Variants in NEK10 observed in about 807,000 individuals in gnomAD.
The protein encoded by NEK10 is serine/threonine-protein kinase Nek10.
In NEK10, 122 loss-of-function variants were observed where a neutral mutation model predicts 159.8. That is an observed-to-expected ratio of 0.76 (90% CI 0.66 to 0.89). NEK10 has a LOEUF of 0.89. Among genes scored for constraint, NEK10 ranks in the 40% least tolerant of loss-of-function variants. The pLI is 0.00. For missense variants in NEK10, 1,342 were observed against 1,323.1 expected (o/e 1.01, Z -0.22); for synonymous variants, 466 against 457.1 (o/e 1.02, Z -0.25).
At chr3:27,254,193 A>T (rs549036666) in intron 23 of NEK10, among the ~76,000 whole-genome samples, 8 of 152,120 alleles carry the variant, frequency 5.3e-5, no homozygotes, top group Admixed American at 1.3e-4. Flanking sequence ...GGTTTTTTTC[A>T]ATTTTTAAAA....
At chr3:27,302,404 T>C (rs2043897063) in intron 12 of NEK10, among the ~76,000 whole-genome samples, 1 of 152,178 alleles carries the variant, frequency 6.6e-6, no homozygotes, top group Non-Finnish European at 1.5e-5. Context: ...CATTTTTTTC[T>C]GGTGATCTAG....
At chr3:27,210,229 G>A (rs1171203153) in intron 23 of NEK10, among the ~76,000 whole-genome samples, 4 of 152,156 alleles carry the variant, frequency 2.6e-5, no homozygotes, top group African/African-American at 4.8e-5. Context: ...GCTGCATCTG[G>A]TGAGGGCCCT....
chr3:27,228,961 G>T (rs545446759), intron 23 of NEK10, among the ~76,000 whole-genome samples: 2 of 152,036 alleles, frequency 1.3e-5, no homozygotes, highest in African/African-American at 4.8e-5. Context: ...GGGACCTCTA[G>T]GTATTAGCAC....
chr3:27,321,627 G>A (rs1173579864), intron 6 of NEK10, among the ~76,000 whole-genome samples: 3 of 152,172 alleles, frequency 2.0e-5, no homozygotes, highest in South Asian at 4.1e-4. Flanking sequence ...GATTATAGGC[G>A]TGAGCCACCA....
chr3:27,258,000 G>A (rs955049470), intron 22 of NEK10, among the ~76,000 whole-genome samples: 1 of 151,714 alleles, frequency 6.6e-6, no homozygotes, highest in Admixed American at 6.6e-5. Context: ...GTTTCACAGT[G>A]TTAGCCAGGA....
intron 32 of NEK10, among the ~76,000 whole-genome samples, chr3:27,128,681 T>C (rs1208909600): frequency 1.3e-5 from 2 of 152,100 alleles, no homozygotes; most frequent in Admixed American, 1.3e-4. Flanking sequence ...GGTTTAAACC[T>C]TATTTAATGC....
chr3:27,201,718 C>T (rs1950060507), intron 24 of NEK10, 138 bp from the exon 25 acceptor site: 1 of 624,808 alleles, frequency 1.6e-6, no homozygotes. Context: ...AAATCCCGAC[C>T]AAATAAAACA....
Position 27,312,092 on chromosome 3 carries a change from C to T in NEK10, c.568+7G>A. 6.2e-7 allele frequency: 1 copy of T among 1,601,162 alleles called. No homozygotes were observed. Among genetic ancestry groups the T allele is most frequent in the African/African-American group, 1.3e-5 (1 of 74,804 alleles). ...AAAAATGGCTGTGTCCCTGCAATAA[C>T]ACTTACATGTCATGTTGACCAGCTT... On this transcript the variant is annotated splice_region_variant and intron_variant, in intron 8 of 35. Coordinates refer to ENST00000691995, the MANE Select transcript of NEK10 (RefSeq NM_001394966.1).
chr3:27,294,848 G>C (rs567229147), intron 15 of NEK10, among the ~76,000 whole-genome samples: 1 of 151,192 alleles, frequency 6.6e-6, no homozygotes, highest in Non-Finnish European at 1.5e-5. Context: ...ACTGCCCCCC[G>C]CCCCCACTCT....
intron 20 of NEK10, among the ~76,000 whole-genome samples, chr3:27,286,079 C>CTTTTT (rs35663067): frequency 0.012 from 684 of 57,760 alleles, 46 homozygotes; most frequent in Non-Finnish European, 0.013. Context: ...ATTTCCAATT[C>CTTTTT]TTTTTTTTTT....
intron 5 of NEK10, among the ~76,000 whole-genome samples, chr3:27,337,804 C>A (rs1370590256): frequency 6.6e-6 from 1 of 152,042 alleles, no homozygotes; most frequent in Non-Finnish European, 1.5e-5. Flanking sequence ...AAAATCAACA[C>A]AAGATGGATT....
intron 30 of NEK10, among the ~76,000 whole-genome samples, chr3:27,155,119 T>A (rs1410234753): frequency 6.6e-6 from 1 of 152,216 alleles, no homozygotes; most frequent in African/African-American, 2.4e-5. Flanking sequence ...ACAAGATTAA[T>A]GTACACAAAT....
chr3:27,310,185 T>G (rs929136539), intron 9 of NEK10: 1 of 152,236 alleles, frequency 6.6e-6, no homozygotes, highest in East Asian at 1.9e-4. Flanking sequence ...CTTTCTTCTC[T>G]GTCTTCTAAT....
At position 27,300,973 on chromosome 3, in the gene NEK10, C is replaced by T. The variant is rs2043773238; in HGVS notation, c.1168+723G>A. On this transcript the variant is annotated intron_variant, in intron 13 of 35. Coordinates refer to ENST00000691995, the MANE Select transcript of NEK10 (RefSeq NM_001394966.1). ...CTGCCCTCTCCCACTTCCCCACTCC[C>T]TCATTCCCTCTCCTGCAGTCTGCTC... Among the ~76,000 whole-genome samples, 3 of 152,286 alleles carry T rather than the reference C, an allele frequency of 2.0e-5. No homozygotes were observed. In the South Asian group the frequency reaches 6.2e-4, roughly 32 times the overall value.
chr3:27,152,287 C>T (rs1047756863), intron 30 of NEK10, among the ~76,000 whole-genome samples: 1 of 152,174 alleles, frequency 6.6e-6, no homozygotes, highest in African/African-American at 2.4e-5. Context: ...AGATTAATAG[C>T]AGATTTCTCA....
intron 22 of NEK10, among the ~76,000 whole-genome samples, chr3:27,273,926 G>A (rs192233625): frequency 6.8e-6 from 1 of 146,920 alleles, no homozygotes; most frequent in East Asian, 1.9e-4. Flanking sequence ...ACGAACCCCT[G>A]TCTCACTGAC....
chr3:27,152,876 A>T (rs1015341765), intron 30 of NEK10, among the ~76,000 whole-genome samples: 1 of 152,084 alleles, frequency 6.6e-6, no homozygotes, highest in African/African-American at 2.4e-5. Context: ...TATATCAGAC[A>T]AAAAAAACTT....
intron 23 of NEK10, among the ~76,000 whole-genome samples, chr3:27,248,946 G>T (rs2149291002): frequency 6.6e-6 from 1 of 152,204 alleles, no homozygotes; most frequent in African/African-American, 2.4e-5. Flanking sequence ...ATGCTATGGG[G>T]TATTGAAGTC....
chr3:27,301,650 T>A lies in NEK10; in HGVS notation c.1168+46A>T. The A allele has an allele frequency of 2.2e-6, 3 of 1,377,680 alleles. No individual in the cohort carries two copies. In the South Asian group the frequency reaches 3.7e-5, roughly 17 times the overall value. 85.3% of individuals were successfully genotyped at this position (1,377,680 alleles called of 1,614,324 possible). A position where few individuals can be genotyped will look rare whatever the true frequency, so the allele number is the denominator to read the frequency against. ...ACTAATCTATGATAGTGAATAATAA[T>A]ACAACACAATAAATTATAGCATATC... On this transcript the variant is annotated intron_variant, in intron 13 of 35. Coordinates refer to ENST00000691995, the MANE Select transcript of NEK10 (RefSeq NM_001394966.1).
Sources: allele counts gnomAD v4.1 joint callset (sites outside exome capture counted in the v4.1 genomes callset), GRCh38; gene constraint gnomAD v4.1.1; transcripts MANE v1.5; gene names NCBI Gene and HGNC (gene_info 2026-07-23, HGNC 2026-07-21).